NRXN3: variants seen among roughly 807,000 people sequenced by gnomAD.
The protein encoded by NRXN3 is neurexin 3, also known as neurexin III.
In NRXN3, 32 loss-of-function variants were observed where a neutral mutation model predicts 137.6. The ratio of observed to expected loss-of-function variants is 0.23; its 90% CI spans 0.18 to 0.31. The LOEUF is 0.31. NRXN3 is among the 10% of genes least tolerant of loss of function. The pLI is 1.00. For synonymous variants in NRXN3, 798 were observed against 784.5 expected, an observed-to-expected ratio of 1.02 and a Z score of -0.29; for missense variants, 1,574 against 2,062.5, an observed-to-expected ratio of 0.76 and a Z score of 4.59.
chr14:79,407,740 G>A (rs532436372), intron 15 of NRXN3, among the ~76,000 whole-genome samples: 1 of 152,258 alleles, frequency 6.6e-6, no homozygotes, highest in Non-Finnish European at 1.5e-5. Context: ...TTCTTGGTGA[G>A]TACTGTCACT....
In NRXN3 at chr14:78,715,171, C is replaced by T. The variant is rs1401614290; in HGVS notation, c.2044+32C>T. On this transcript the variant is annotated intron_variant, in intron 8 of 20. Coordinates refer to ENST00000335750, the MANE Select transcript of NRXN3 (RefSeq NM_001330195.2). ...CGGCCTAGAGGATGGCAAGTGAGGG[C>T]CTGAGTGGGGCTGATGTGTTACAGT... is the stretch of plus-strand genomic sequence containing the variant. 1 of 1,588,654 alleles carries T rather than the reference C, an allele frequency of 6.3e-7. No individual in the cohort carries two copies. The highest frequency in any genetic ancestry group is 8.5e-7 in the Non-Finnish European group (1 of 1,169,894).
chr14:79,674,724 G>GTAATCCCATTATTAAACATTTAC (rs1300752587), intron 17 of NRXN3, among the ~76,000 whole-genome samples: 1 of 152,056 alleles, frequency 6.6e-6, no homozygotes, highest in Non-Finnish European at 1.5e-5. Flanking sequence ...GCAGAACACT[G>GTAATCCCATTATTAAACATTTAC]TAATCCCATT....
At chr14:79,040,538 A>G (rs1465971918) in intron 15 of NRXN3, among the ~76,000 whole-genome samples, 4 of 152,250 alleles carry the variant, frequency 2.6e-5, no homozygotes, top group Non-Finnish European at 2.9e-5. Context: ...TGGGGAAAGC[A>G]TTCTTGGAAA....
chr14:78,381,206 A>C (rs1029546594), intron 4 of NRXN3, among the ~76,000 whole-genome samples: 1 of 152,190 alleles, frequency 6.6e-6, no homozygotes, highest in Non-Finnish European at 1.5e-5. Context: ...AAAACATAGG[A>C]GTTTTCTTCA....
chr14:79,354,120 A>G (rs1347208769), intron 15 of NRXN3, among the ~76,000 whole-genome samples: 6 of 152,168 alleles, frequency 3.9e-5, no homozygotes, highest in African/African-American at 7.2e-5. Flanking sequence ...TAAAAGTCAA[A>G]TGTTTAATCT....
At chr14:79,426,486 T>C (rs1417655477) in intron 15 of NRXN3, among the ~76,000 whole-genome samples, 4 of 152,338 alleles carry the variant, frequency 2.6e-5, no homozygotes, top group Admixed American at 6.5e-5. Flanking sequence ...GTTTTCTGAG[T>C]ACCTATTGAT....
chr14:79,371,374 G>A (rs1485022414), intron 15 of NRXN3, among the ~76,000 whole-genome samples: 1 of 151,964 alleles, frequency 6.6e-6, no homozygotes, highest in Non-Finnish European at 1.5e-5. Context: ...TCTTTTAGGT[G>A]GGTATCTAGG....
chr14:78,375,301 A>G (rs2087619852), intron 4 of NRXN3, among the ~76,000 whole-genome samples: 1 of 152,238 alleles, frequency 6.6e-6, no homozygotes, highest in South Asian at 2.1e-4. Context: ...ATTTGGAACA[A>G]CATGGCACAT....
intron 10 of NRXN3, among the ~76,000 whole-genome samples, chr14:78,922,465 G>A (rs1280956984): frequency 6.6e-6 from 1 of 152,190 alleles, no homozygotes; most frequent in East Asian, 1.9e-4. Context: ...TGTTGAATAT[G>A]GCTGTTTGTC....
At position 79,113,389 on chromosome 14, in the gene NRXN3, C is replaced by T. The variant is rs184718194; in HGVS notation, c.3262+125248C>T. On this transcript the variant is annotated intron_variant, in intron 15 of 20. Coordinates refer to ENST00000335750, the MANE Select transcript of NRXN3 (RefSeq NM_001330195.2). ...CTAAGTAAAGCAGTGGCCCATTGCT[C>T]AGTCCAACAGCACTCCTCCATCAAT... Among the ~76,000 whole-genome samples the T allele has an allele frequency of 4.6e-5, 7 of 152,280 alleles. No homozygotes were observed. The East Asian group carries it at 1.4e-3, about 29-fold the overall frequency.
At chr14:78,351,179 T>C (rs1364800978) in intron 4 of NRXN3, among the ~76,000 whole-genome samples, 1 of 152,218 alleles carries the variant, frequency 6.6e-6, no homozygotes, top group African/African-American at 2.4e-5. Context: ...ATAGTGTTGA[T>C]ATGTTTAGCT....
intron 15 of NRXN3, among the ~76,000 whole-genome samples, chr14:79,384,396 G>A (rs572397753): frequency 6.6e-6 from 1 of 152,212 alleles, no homozygotes; most frequent in Admixed American, 6.5e-5. Flanking sequence ...ACTTGAGAAT[G>A]AGTTTTTTTC....
rs1272119241 is a variant in NRXN3 at position 78,913,348 on chromosome 14, C to A, written c.2276-43894C>A. 4.0e-5 allele frequency among the ~76,000 whole-genome samples: 5 copies of A among 124,516 alleles called. No individual in the cohort carries two copies. In the East Asian group the frequency reaches 1.4e-3, roughly 34 times the overall value. The allele number at this position is 124,516 out of a possible 152,430, so 81.7% of individuals were successfully genotyped here. On this transcript the variant is annotated intron_variant, in intron 10 of 20. Coordinates refer to ENST00000335750, the MANE Select transcript of NRXN3 (RefSeq NM_001330195.2). ...AGGCTGGAGTGTAGTGGCGCAATCTCAGTCCACTGCAACCTCCACCTCCCG... is the reference window on the plus strand; with the variant it reads ...AGGCTGGAGTGTAGTGGCGCAATCTAAGTCCACTGCAACCTCCACCTCCCG...
chr14:78,799,421 T>C (rs2113573), intron 8 of NRXN3, among the ~76,000 whole-genome samples: 130,474 of 152,176 alleles, frequency 0.86, 57,222 homozygotes, highest in Non-Finnish European at 0.96. Flanking sequence ...CATCTCAGCC[T>C]GAATTTCATT....
chr14:78,346,058 G>A (rs1409750430), intron 4 of NRXN3, among the ~76,000 whole-genome samples: 8 of 152,190 alleles, frequency 5.3e-5, no homozygotes, highest in Admixed American at 5.2e-4. Flanking sequence ...AGAGGGAAAG[G>A]CCATGGGTGC....
chr14:78,313,076 G>A lies in NRXN3; in HGVS notation c.757+15216G>A, dbSNP rs1290254696. Among the ~76,000 whole-genome samples the A allele has an allele frequency of 3.3e-5, 5 of 152,264 alleles. No homozygotes were observed. In the East Asian group the frequency reaches 5.8e-4, roughly 18 times the overall value. On this transcript the variant is annotated intron_variant, in intron 4 of 20. Coordinates refer to ENST00000335750, the MANE Select transcript of NRXN3 (RefSeq NM_001330195.2). ...AACCAGTGGTAGTGTGAAGGTCACC[G>A]CCTAGGCAAGGTTAGAGTAATTTGT...
At chr14:78,971,008 G>T (rs2099437024) in intron 14 of NRXN3, among the ~76,000 whole-genome samples, 1 of 152,198 alleles carries the variant, frequency 6.6e-6, no homozygotes, top group Non-Finnish European at 1.5e-5. Context: ...GTACACAAAT[G>T]ACTTGGATAA....
chr14:78,291,314 G>C (rs1266159422), intron 3 of NRXN3, among the ~76,000 whole-genome samples: 2 of 152,136 alleles, frequency 1.3e-5, no homozygotes, highest in East Asian at 3.8e-4. Flanking sequence ...TTCCCATAGA[G>C]CTGTATTTAA....
At chr14:79,563,056 T>G (rs1367207917) in intron 16 of NRXN3, among the ~76,000 whole-genome samples, 2 of 152,138 alleles carry the variant, frequency 1.3e-5, no homozygotes, top group Non-Finnish European at 2.9e-5. Context: ...TGTAAACTCT[T>G]GAGGAGTAAT....
Sources: allele counts gnomAD v4.1 joint callset (sites outside exome capture counted in the v4.1 genomes callset), GRCh38; gene constraint gnomAD v4.1.1; transcripts MANE v1.5; gene names NCBI Gene and HGNC (gene_info 2026-07-23, HGNC 2026-07-21).